The following RAB11FIP2 variants were observed in gnomAD, a reference collection of about 807,000 sequenced individuals.
RAB11FIP2 encodes rab11 family-interacting protein 2.
A neutral mutation model predicts 40.9 loss-of-function variants in RAB11FIP2; 16 were observed. The observed-to-expected ratio is 0.39, with a 90% confidence interval of 0.26 to 0.59. RAB11FIP2 has a LOEUF of 0.59. Among genes scored for constraint, RAB11FIP2 ranks in the 20% least tolerant of loss-of-function variants. The probability of loss-of-function intolerance (pLI) is 0.53; values close to 1 mark genes in which losing one functional copy is unlikely to be tolerated. For missense variants in RAB11FIP2, 532 were observed against 606.2 expected, an observed-to-expected ratio of 0.88 and a Z score of 1.28; for synonymous variants, 228 against 213.7, an observed-to-expected ratio of 1.07 and a Z score of -0.58.
chr10:118,036,128 C>A (rs1178639473), intron 3 of RAB11FIP2, among the ~76,000 whole-genome samples: 1 of 152,018 alleles, frequency 6.6e-6, no homozygotes, highest in African/African-American at 2.4e-5. Context: ...AAAGAAAATT[C>A]TCCAGTTTTA....
chr10:118,046,404 C>T lies in RAB11FIP2; in HGVS notation c.-241G>A, dbSNP rs1846638855. 24 of 519,230 alleles carry T rather than the reference C, an allele frequency of 4.6e-5. No individual in the cohort carries two copies. In the South Asian group the frequency reaches 6.3e-4, roughly 14 times the overall value. The allele number at this position is 519,230 out of a possible 1,614,324, so 32.2% of individuals were successfully genotyped here. On this transcript the variant is annotated 5_prime_UTR_variant, in exon 1 of 5. Coordinates refer to ENST00000355624, the MANE Select transcript of RAB11FIP2 (RefSeq NM_014904.3). ...AGAGGCCCACCATCACCTGGCCGCG[C>T]CGTGCAGGCCTCTGCGCGGACCCCC...
At chr10:118,037,980 C>G (rs1025875406) in intron 3 of RAB11FIP2, among the ~76,000 whole-genome samples, 1 of 151,984 alleles carries the variant, frequency 6.6e-6, no homozygotes, top group African/African-American at 2.4e-5. Flanking sequence ...AGTTGTTACA[C>G]TGTACTGTTT....
At chr10:118,021,888 C>T (rs907900399) in intron 3 of RAB11FIP2, among the ~76,000 whole-genome samples, 1 of 152,204 alleles carries the variant, frequency 6.6e-6, no homozygotes, top group Non-Finnish European at 1.5e-5. Flanking sequence ...CGCTCTACCT[C>T]GGAGATTTCA....
intron 2 of RAB11FIP2, 33 bp from the exon 3 acceptor site, chr10:118,039,473 G>C (rs781449371): frequency 6.5e-7 from 1 of 1,537,190 alleles, no homozygotes; most frequent in Admixed American, 1.7e-5. Flanking sequence ...TACATAATCA[G>C]TGACACATTA....
At chr10:118,024,089 T>TAAAA (rs11410516) in intron 3 of RAB11FIP2, among the ~76,000 whole-genome samples, 1 of 127,002 alleles carries the variant, frequency 7.9e-6, no homozygotes, top group East Asian at 2.3e-4. Flanking sequence ...GACTCTGTCT[T>TAAAA]AAAAAAAAAA....
chr10:118,025,615 C>T (rs1846333384), intron 3 of RAB11FIP2, among the ~76,000 whole-genome samples: 1 of 152,180 alleles, frequency 6.6e-6, no homozygotes, highest in Non-Finnish European at 1.5e-5. Context: ...ATATGGAAAA[C>T]TCTTCATACA....
intron 3 of RAB11FIP2, among the ~76,000 whole-genome samples, chr10:118,027,405 G>C (rs530942789): frequency 1.3e-4 from 20 of 152,262 alleles, no homozygotes; most frequent in Admixed American, 3.3e-4. Flanking sequence ...TGTACTTTCT[G>C]AATCAAATAT....
intron 3 of RAB11FIP2, among the ~76,000 whole-genome samples, chr10:118,034,628 G>C (rs1481349359): frequency 3.9e-5 from 6 of 152,040 alleles, no homozygotes; most frequent in African/African-American, 1.4e-4. Flanking sequence ...TAAATTAGTT[G>C]ACAATTTATT....
chr10:118,041,472 T>C (rs890701043), intron 1 of RAB11FIP2, among the ~76,000 whole-genome samples: 2 of 152,136 alleles, frequency 1.3e-5, no homozygotes, highest in South Asian at 4.1e-4. Context: ...GTTGGCCATG[T>C]CACAAGTGGT....
Position 118,040,229 on chromosome 10 carries a change from A to G in RAB11FIP2, c.690T>C (p.Asp230=), listed in dbSNP as rs1846537601. 6.2e-7 allele frequency: 1 copy of G among 1,613,856 alleles called. No homozygotes were observed. The highest frequency in any genetic ancestry group is 8.5e-7 in the Non-Finnish European group (1 of 1,179,806). The part of the protein sequence containing the change: ...QRLSSAHSMS[D]LSGSHMSSEK... ...CAGAAGACATATGGGACCCAGATAA[A>G]TCAGACATTGAATGCGCTGACGAGA... The change falls in exon 2 of 5, where the codon GAT becomes GAC. Residue 230 remains aspartate (D), a synonymous_variant. Transcript: ENST00000355624.
At chr10:118,027,507 A>G (rs1373552978) in intron 3 of RAB11FIP2, among the ~76,000 whole-genome samples, 1 of 152,208 alleles carries the variant, frequency 6.6e-6, no homozygotes, top group Admixed American at 6.5e-5. Flanking sequence ...AATGCATTGT[A>G]TACTTCTAGA....
chr10:118,014,934 T>C (rs1301683020), intron 4 of RAB11FIP2, 131 bp downstream of exon 4: 1 of 683,428 alleles, frequency 1.5e-6, no homozygotes, highest in African/African-American at 1.8e-5. Context: ...CTCCTAAAAT[T>C]ACTACGCTAA....
chr10:118,035,779 G>C (rs905991439), intron 3 of RAB11FIP2, among the ~76,000 whole-genome samples: 1 of 152,050 alleles, frequency 6.6e-6, no homozygotes, highest in Non-Finnish European at 1.5e-5. Flanking sequence ...CAAGACTTAC[G>C]TAAGAAAATG....
chr10:118,032,952 T>C (rs1846433196), intron 3 of RAB11FIP2, among the ~76,000 whole-genome samples: 1 of 152,132 alleles, frequency 6.6e-6, no homozygotes, highest in Admixed American at 6.6e-5. Context: ...TACTTAATAA[T>C]GGCCCCAATG....
intron 3 of RAB11FIP2, among the ~76,000 whole-genome samples, chr10:118,035,007 G>A (rs1039558880): frequency 9.2e-5 from 14 of 152,130 alleles, no homozygotes; most frequent in Admixed American, 8.5e-4. Flanking sequence ...TCTGGCCAAT[G>A]GGACATATGT....
intron 3 of RAB11FIP2, 71 bp downstream of exon 3, chr10:118,038,901 A>G (rs1178125761): frequency 3.0e-6 from 3 of 995,756 alleles, no homozygotes; most frequent in South Asian, 3.8e-5. Context: ...TCTAGCATTT[A>G]AAAGAAATAT....
chr10:118,027,557 T>C (rs991646893), intron 3 of RAB11FIP2, among the ~76,000 whole-genome samples: 1 of 152,194 alleles, frequency 6.6e-6, no homozygotes, highest in Non-Finnish European at 1.5e-5. Flanking sequence ...CCCATTCCCA[T>C]ACCAGGCTCT....
chr10:118,040,537 T>C lies in RAB11FIP2; in HGVS notation c.382A>G (p.Lys128Glu). The change falls in exon 2 of 5, where the codon AAA becomes GAA. Residue 128 changes from lysine to glutamate, a missense_variant. Lys to Glu is a moderately conservative substitution (Grantham distance 56, BLOSUM62 1). Coordinates refer to ENST00000355624, the MANE Select transcript of RAB11FIP2 (RefSeq NM_014904.3). ...ATCTCACCCCTGTTTTTGATTCGTT[T>C]TCCTTGTTTGGATTCTAATCTAAAC... ...EWFRLESKQG[K>E]RIKNRGEIKV... is the part of the protein sequence containing the mutation. 6.2e-7 allele frequency: 1 copy of C among 1,608,946 alleles called. No individual in the cohort carries two copies.
intron 4 of RAB11FIP2, among the ~76,000 whole-genome samples, chr10:118,011,348 C>A (rs1005217139): frequency 6.6e-6 from 1 of 151,922 alleles, no homozygotes; most frequent in African/African-American, 2.4e-5. Context: ...ACTTCTCCCT[C>A]CTCTCTCAGA....
Sources: gnomAD v4.1 joint callset for allele counts (sites outside exome capture counted in the v4.1 genomes callset) on GRCh38, gnomAD v4.1.1 for gene constraint, MANE v1.5 for transcripts, NCBI Gene and HGNC (gene_info 2026-07-23, HGNC 2026-07-21) for gene names.